The following SMAD4 variants were observed in gnomAD, a reference collection of about 807,000 sequenced individuals.
SMAD4 encodes MAD homolog 4.
SMAD4 carries 7 observed loss-of-function variants against 63.2 expected under a neutral mutation model. That is an observed-to-expected ratio of 0.11 (90% CI 0.06 to 0.21). The LOEUF is 0.21. Ranked by LOEUF, SMAD4 falls within the 10% of genes least tolerant of loss-of-function variation. The probability of loss-of-function intolerance (pLI) is 1.00; values close to 1 mark genes in which losing one functional copy is unlikely to be tolerated. For missense variants in SMAD4, 312 were observed against 693.8 expected (o/e 0.45, Z 6.18); for synonymous variants, 215 against 235.4 (o/e 0.91, Z 0.79).
chr18:51,074,360 C>T (rs1468483671), intron 10 of SMAD4, among the ~76,000 whole-genome samples: 1 of 151,732 alleles, frequency 6.6e-6, no homozygotes, highest in African/African-American at 2.4e-5. Flanking sequence ...ACAACAACAA[C>T]AAAAAAGGCA....
At position 51,079,547 on chromosome 18, in the gene SMAD4, ATGTTAT is replaced by A. The variant is rs1323022568; in HGVS notation, c.*1081_*1086del. ...TTTTGGTATAATGTTTAAATCATGT[ATGTTAT>A]GATATTGTTTAAAATTCAGTTTTTG... On this transcript the variant is annotated 3_prime_UTR_variant, in exon 12 of 12. Coordinates refer to ENST00000342988, the MANE Select transcript of SMAD4 (RefSeq NM_005359.6). The A allele has an allele frequency of 4.3e-6, 1 of 233,314 alleles. No individual in the cohort carries two copies. Among genetic ancestry groups the A allele is most frequent in the Non-Finnish European group, 8.5e-6 (1 of 117,922 alleles). 14.5% of individuals were successfully genotyped at this position (233,314 alleles called of 1,614,324 possible).
At chr18:51,038,998 T>C (rs1599175398) in intron 1 of SMAD4, among the ~76,000 whole-genome samples, 1 of 152,038 alleles carries the variant, frequency 6.6e-6, no homozygotes, top group Non-Finnish European at 1.5e-5. Flanking sequence ...TCCCAGCTAC[T>C]TGGGAGGCTG....
chr18:51,068,482 A>G (rs140778559), intron 10 of SMAD4, among the ~76,000 whole-genome samples: 154 of 152,372 alleles, frequency 1.0e-3, no homozygotes, highest in Non-Finnish European at 1.9e-3. Flanking sequence ...GCTATTTATT[A>G]CACTTAATAA....
rs2144418720 is a variant in SMAD4, at chr18:51,054,881, A to C, written c.555A>C (p.Pro185=). 1 of 1,614,134 alleles carries C rather than the reference A, an allele frequency of 6.2e-7. No homozygotes were observed. Among genetic ancestry groups the C allele is most frequent in the East Asian group, 2.2e-5 (1 of 44,888 alleles). Residue 185 remains proline, a synonymous_variant, in exon 5 of 12, where the codon CCA becomes CCC. Transcript: ENST00000342988. The part of the protein sequence containing the change: ...EGHSIQTIQH[P]PSNRASTETY... ...ATTCAATTCAAACCATCCAGCATCCACCAAGTAATCGTGCATCGACAGAGA... is the reference window on the plus strand; with the variant it reads ...ATTCAATTCAAACCATCCAGCATCCCCCAAGTAATCGTGCATCGACAGAGA...
intron 4 of SMAD4, among the ~76,000 whole-genome samples, chr18:51,051,836 C>T (rs765877858): frequency 6.6e-6 from 1 of 151,590 alleles, no homozygotes; most frequent in African/African-American, 2.4e-5. Flanking sequence ...GACGGAGTTT[C>T]GCTCTTGTTG....
At chr18:51,062,696 A>T (rs889600809) in intron 8 of SMAD4, among the ~76,000 whole-genome samples, 1 of 149,452 alleles carries the variant, frequency 6.7e-6, no homozygotes, top group Admixed American at 6.7e-5. Flanking sequence ...ATAGGGTTTC[A>T]CCATGTTATC....
rs772211214 is a variant in SMAD4, at chr18:51,084,002, A to ATG, written c.*5535_*5536insTG. On this transcript the variant is annotated 3_prime_UTR_variant, in exon 12 of 12. Coordinates refer to ENST00000342988, the MANE Select transcript of SMAD4 (RefSeq NM_005359.6). ...CAATAAACACTTAACGCGCGTGCGC[A>ATG]CGCGCGCGCGCACACACACACACAC... The ATG allele has an allele frequency of 5.3e-5, 5 of 94,562 alleles. No individual in the cohort carries two copies. The highest frequency in any genetic ancestry group is 9.0e-5 in the Non-Finnish European group (4 of 44,496). The allele number at this position is 94,562 out of a possible 1,614,324, so 5.9% of individuals were successfully genotyped here.
rs1328617837 is a variant in SMAD4 at position 51,067,001 on chromosome 18, T to C, written c.1140-18T>C. The C allele has an allele frequency of 1.3e-6, 2 of 1,586,618 alleles. No homozygotes were observed. Among genetic ancestry groups the C allele is most frequent in the Admixed American group, 3.4e-5 (2 of 59,626 alleles). On this transcript the variant is annotated intron_variant, in intron 9 of 11. Transcript: ENST00000342988. Reference sequence around the variant, plus strand: ...AATACTTATCAAGATAAAATGTAATTTCTTTTTTCTTCCTAAGGTTGCACA... The same window carrying C: ...AATACTTATCAAGATAAAATGTAATCTCTTTTTTCTTCCTAAGGTTGCACA...
chr18:51,041,273 A>G (rs1217491055), intron 1 of SMAD4, among the ~76,000 whole-genome samples: 1 of 151,780 alleles, frequency 6.6e-6, no homozygotes, highest in Non-Finnish European at 1.5e-5. Flanking sequence ...TTTCCTCATC[A>G]TTTTCCTTCA....
intron 1 of SMAD4, among the ~76,000 whole-genome samples, chr18:51,030,922 C>G (rs887195732): frequency 1.3e-5 from 2 of 152,120 alleles, no homozygotes; most frequent in Non-Finnish European, 2.9e-5. Context: ...CTTTGTTGTT[C>G]TCAGTAGTTT....
At chr18:51,042,882 A>G (rs1050288336) in intron 1 of SMAD4, among the ~76,000 whole-genome samples, 2 of 152,282 alleles carry the variant, frequency 1.3e-5, no homozygotes, top group South Asian at 4.1e-4. Flanking sequence ...GGGAAAATCC[A>G]TGTTACTGAC....
chr18:51,053,047 G>A (rs1237180006), intron 4 of SMAD4: 2 of 152,146 alleles, frequency 1.3e-5, no homozygotes, highest in African/African-American at 4.8e-5. Context: ...CTTACATTTG[G>A]GAAGTTTAGC....
chr18:51,057,580 G>A (rs1909878383), intron 5 of SMAD4, among the ~76,000 whole-genome samples: 1 of 152,200 alleles, frequency 6.6e-6, no homozygotes, highest in Admixed American at 6.5e-5. Flanking sequence ...TGATTGGACA[G>A]CAGAGCTAGA....
intron 5 of SMAD4, among the ~76,000 whole-genome samples, chr18:51,055,800 A>G (rs1184054677): frequency 6.6e-6 from 1 of 152,032 alleles, no homozygotes; most frequent in Non-Finnish European, 1.5e-5. Context: ...GTAAACCCAC[A>G]TCAGAATAGA....
At chr18:51,036,648 A>G (rs370392995) in intron 1 of SMAD4, among the ~76,000 whole-genome samples, 2 of 152,242 alleles carry the variant, frequency 1.3e-5, no homozygotes, top group African/African-American at 2.4e-5. Flanking sequence ...AATCAGTTGC[A>G]TATACTCATG....
At chr18:51,051,282 G>A (rs1011447873) in intron 4 of SMAD4, 5 of 444,492 alleles carry the variant, frequency 1.1e-5, no homozygotes, top group African/African-American at 8.1e-5. Context: ...TGACTGTAGG[G>A]CTGTATTCAG....
Position 51,049,312 on chromosome 18 carries a change from C to T in SMAD4, c.442C>T (p.Leu148=). Residue 148 remains leucine (L), a synonymous_variant, in exon 4 of 12, where the codon CTG becomes TTG. Transcript: ENST00000342988. ...SPGIDLSGLT[L]QSNAPSSMMV... ...CAATTAAGATCTCTCAGGATTAACA[C>T]TGCAGAGTAATGGTAGGTAATCTGT... 6.3e-7 allele frequency: 1 copy of T among 1,595,806 alleles called. No individual in the cohort carries two copies. The highest frequency in any genetic ancestry group is 8.6e-7 in the Non-Finnish European group (1 of 1,163,598).
At chr18:51,059,941 C>T (rs1909961708) in intron 8 of SMAD4, 25 bp downstream of exon 8, 1 of 1,576,862 alleles carries the variant, frequency 6.3e-7, no homozygotes, top group African/African-American at 1.3e-5. Flanking sequence ...AAATTGATTT[C>T]CTGTATTTAG....
chr18:51,059,392 C>T (rs1053082216), intron 7 of SMAD4, among the ~76,000 whole-genome samples: 4 of 152,144 alleles, frequency 2.6e-5, no homozygotes, highest in Non-Finnish European at 4.4e-5. Flanking sequence ...AAGAAGTAAA[C>T]GTAATAATTT....
Sources: gnomAD v4.1 joint callset for allele counts (sites outside exome capture counted in the v4.1 genomes callset) on GRCh38, gnomAD v4.1.1 for gene constraint, MANE v1.5 for transcripts, NCBI Gene and HGNC (gene_info 2026-07-23, HGNC 2026-07-21) for gene names.